UBR4: variants seen among roughly 807,000 people sequenced by gnomAD.
UBR4 encodes the protein E3 ubiquitin-protein ligase UBR4.
Under a neutral mutation model 575.6 loss-of-function variants are expected in UBR4, and 124 were observed. The ratio of observed to expected loss-of-function variants is 0.22; its 90% CI spans 0.19 to 0.25. The LOEUF (loss-of-function observed/expected upper bound fraction) is 0.25, where lower values mean the gene tolerates loss of function less well. UBR4 is among the 10% of genes least tolerant of loss of function. UBR4 has a pLI of 1.00. For synonymous variants in UBR4, 2,455 were observed against 2,473.7 expected, an observed-to-expected ratio of 0.99 and a Z score of 0.22; for missense variants, 4,818 against 6,478.8, an observed-to-expected ratio of 0.74 and a Z score of 8.80.
intron 78 of UBR4, among the ~76,000 whole-genome samples, chr1:19,111,236 G>A (rs535684707): frequency 2.0e-4 from 30 of 152,224 alleles, no homozygotes; most frequent in African/African-American, 7.0e-4. Flanking sequence ...TCCAGTTTAC[G>A]TCTCTTTGTA....
At chr1:19,209,093 T>C (rs988058243) in intron 1 of UBR4, among the ~76,000 whole-genome samples, 41 of 152,190 alleles carry the variant, frequency 2.7e-4, no homozygotes, top group African/African-American at 9.4e-4. Flanking sequence ...ACAAAAACAA[T>C]TTGTCAAACC....
At chr1:19,119,166 C>T (rs984049034) in intron 70 of UBR4, among the ~76,000 whole-genome samples, 4 of 152,124 alleles carry the variant, frequency 2.6e-5, no homozygotes, top group Admixed American at 6.5e-5. Flanking sequence ...TAGGTAGTAC[C>T]CTTTTCTGAC....
At position 19,105,151 on chromosome 1, in the gene UBR4, G is replaced by C. The variant is rs778319759; in HGVS notation, c.12542C>G (p.Ala4181Gly). Residue 4181 changes from alanine (A) to glycine (G), a missense_variant, in exon 85 of 106, where the codon GCT becomes GGT. Ala to Gly is a moderately conservative substitution (Grantham distance 60). Around this residue, in one of 29 missense-constraint regions of UBR4, gnomAD observed 178 missense variants for 175.5 expected, o/e 1.01. Coordinates refer to ENST00000375254, the MANE Select transcript of UBR4 (RefSeq NM_020765.3). ...DELSIAGECA[A>G]EYLALYQKLI... ...CTTCTGGTAGAGAGCCAGGTACTCAGCTGCACACTCCCCAGCTATGCTCAG... is the reference window on the plus strand; with the variant it reads ...CTTCTGGTAGAGAGCCAGGTACTCACCTGCACACTCCCCAGCTATGCTCAG... 6 of 1,613,964 alleles carry C rather than the reference G, an allele frequency of 3.7e-6. No homozygotes were observed. In the African/African-American group the frequency reaches 8.0e-5, roughly 22 times the overall value.
intron 101 of UBR4, 64 bp downstream of exon 101, chr1:19,086,081 G>T: frequency 6.3e-7 from 1 of 1,580,264 alleles, no homozygotes; most frequent in East Asian, 2.2e-5. Context: ...TGGGCTGATA[G>T]CGGGTCTTGT....
chr1:19,109,686 A>G (rs143604931), intron 81 of UBR4, among the ~76,000 whole-genome samples: 16 of 152,352 alleles, frequency 1.1e-4, no homozygotes, highest in Middle Eastern at 3.4e-3. Context: ...AACTTGCCCA[A>G]CATCATGATG....
rs746966702 is a variant in UBR4, at chr1:19,115,352, C to G, written c.11063+46G>C. ...CACTGACACTACTACAGAAAAATAACAAGGAATGTGCACAGCCCTGGCCTA... is the reference window on the plus strand; with the variant it reads ...CACTGACACTACTACAGAAAAATAAGAAGGAATGTGCACAGCCCTGGCCTA... On this transcript the variant is annotated intron_variant, in intron 74 of 105. Transcript: ENST00000375254. 3 of 1,592,004 alleles carry G rather than the reference C, an allele frequency of 1.9e-6. No individual in the cohort carries two copies. The African/African-American group carries it at 4.0e-5, about 21-fold the overall frequency.
chr1:19,103,197 C>T (rs1226078968), intron 87 of UBR4, among the ~76,000 whole-genome samples: 11 of 152,186 alleles, frequency 7.2e-5, no homozygotes, highest in Admixed American at 7.2e-4. Flanking sequence ...ACTGCAGAAT[C>T]AGGCATGTAA....
chr1:19,146,687 C>T, intron 52 of UBR4, 139 bp downstream of exon 52: 1 of 1,129,714 alleles, frequency 8.9e-7, no homozygotes, highest in Admixed American at 2.4e-5. Flanking sequence ...AAAGGCCCTA[C>T]AAGGTATAAA....
Position 19,192,524 on chromosome 1 carries a change from A to G in UBR4, c.1160T>C (p.Met387Thr). Residue 387 changes from methionine (M) to threonine (T), a missense_variant, in exon 10 of 106, where the codon ATG becomes ACG. Around this residue, in one of 29 missense-constraint regions of UBR4, gnomAD observed 131 missense variants for 214.5 expected, o/e 0.61. Transcript: ENST00000375254. Reference sequence around the variant, plus strand: ...AGAACTGCTGATTGCTTGTCCAATCATGTCATAGATTTCGAGCTGTACAAT... The same window carrying G: ...AGAACTGCTGATTGCTTGTCCAATCGTGTCATAGATTTCGAGCTGTACAAT... The part of the protein sequence containing the change: ...IVQKCLEIYD[M>T]IGQAISSSRR... 1 of 1,614,216 alleles carries G rather than the reference A, an allele frequency of 6.2e-7. No homozygotes were observed. The highest frequency in any genetic ancestry group is 8.5e-7 in the Non-Finnish European group (1 of 1,180,042).
At chr1:19,162,322 G>T in intron 35 of UBR4, 98 bp downstream of exon 35, 1 of 1,430,762 alleles carries the variant, frequency 7.0e-7, no homozygotes, top group East Asian at 2.3e-5. Context: ...AGGAAGTTTT[G>T]AAGCTCACAG....
At chr1:19,175,350 T>C (rs75152883) in intron 20 of UBR4, among the ~76,000 whole-genome samples, 1,703 of 152,254 alleles carry the variant, frequency 0.011, 31 homozygotes, top group East Asian at 0.068. Context: ...AAGAGTTAAG[T>C]AGGGTGCCCT....
rs763793889 is a variant in UBR4 at position 19,097,227 on chromosome 1, T to C, written c.13356A>G (p.Thr4452=). 1.5e-5 allele frequency: 25 copies of C among 1,613,758 alleles called. No homozygotes were observed. Among genetic ancestry groups the C allele is most frequent in the Non-Finnish European group, 1.9e-5 (23 of 1,179,880 alleles). Residue 4452 remains threonine, a synonymous_variant, in exon 91 of 106, where the codon ACA becomes ACG. Transcript: ENST00000375254. ...AGTCCAGGGACTCAATGAACTCCTCTGTGGCATCGCCCAGCAGCCCCCGCA... is the reference window on the plus strand; with the variant it reads ...AGTCCAGGGACTCAATGAACTCCTCCGTGGCATCGCCCAGCAGCCCCCGCA... The part of the protein sequence containing the change: ...YRMRGLLGDA[T]EEFIESLDST...
intron 34 of UBR4, 93 bp downstream of exon 34, chr1:19,163,671 A>G: frequency 7.4e-7 from 1 of 1,352,422 alleles, no homozygotes; most frequent in Non-Finnish European, 1.1e-6. Context: ...AGCCAGGCAC[A>G]GAACTCAATA....
intron 87 of UBR4, 26 bp downstream of exon 87, chr1:19,104,058 G>A (rs1193217435): frequency 1.2e-6 from 2 of 1,611,990 alleles, no homozygotes; most frequent in Non-Finnish European, 1.7e-6. Context: ...CAGTGCCTTA[G>A]GCTCCAGGCC....
Position 19,141,334 on chromosome 1 carries a change from C to T in UBR4, c.8488+13G>A, listed in dbSNP as rs750793653. 1 of 1,614,080 alleles carries T rather than the reference C, an allele frequency of 6.2e-7. No individual in the cohort carries two copies. The highest frequency in any genetic ancestry group is 1.3e-5 in the African/African-American group (1 of 74,946). Reference sequence around the variant, plus strand: ...GGCCAATGGGCCGCTTTGTTCTTGGCATGGCCTTCTACCTTGTTGGTCCTG... The same window carrying T: ...GGCCAATGGGCCGCTTTGTTCTTGGTATGGCCTTCTACCTTGTTGGTCCTG... On this transcript the variant is annotated intron_variant, in intron 57 of 105. Coordinates refer to ENST00000375254, the MANE Select transcript of UBR4 (RefSeq NM_020765.3).
rs756972368 is a variant in UBR4, at chr1:19,183,948, C to T, written c.2099-52G>A. The T allele has an allele frequency of 1.5e-5, 24 of 1,613,736 alleles. No homozygotes were observed. In the East Asian group the frequency reaches 3.1e-4, roughly 21 times the overall value. Reference sequence around the variant, plus strand: ...ATTTAAGCAGCTATTGAATGCACCACACCTCCCTGCCAACAGCCAAACTCC... The same window carrying T: ...ATTTAAGCAGCTATTGAATGCACCATACCTCCCTGCCAACAGCCAAACTCC... On this transcript the variant is annotated intron_variant, in intron 16 of 105. Transcript: ENST00000375254.
Position 19,093,242 on chromosome 1 carries a change from A to C in UBR4, c.14111+71T>G. On this transcript the variant is annotated intron_variant, in intron 96 of 105. Coordinates refer to ENST00000375254, the MANE Select transcript of UBR4 (RefSeq NM_020765.3). The surrounding 1 kb of genome is among the most constrained non-coding windows in gnomAD (Gnocchi z 4.8). ...GGCACACGTGAAGCTTTATGCCAAGATGCTGATGGAGAAGGAAAAGGAAAG... is the reference window on the plus strand; with the variant it reads ...GGCACACGTGAAGCTTTATGCCAAGCTGCTGATGGAGAAGGAAAAGGAAAG... 6.4e-7 allele frequency: 1 copy of C among 1,558,118 alleles called. No individual in the cohort carries two copies. Among genetic ancestry groups the C allele is most frequent in the Non-Finnish European group, 8.7e-7 (1 of 1,147,906 alleles).
At position 19,126,664 on chromosome 1, in the gene UBR4, C is replaced by CA; in HGVS notation, c.9229-10dup. 5 of 1,612,396 alleles carry CA rather than the reference C, an allele frequency of 3.1e-6. No homozygotes were observed. The Admixed American group carries it at 6.7e-5, about 21-fold the overall frequency. On this transcript the variant is annotated splice_polypyrimidine_tract_variant and intron_variant, in intron 63 of 105. Coordinates refer to ENST00000375254, the MANE Select transcript of UBR4 (RefSeq NM_020765.3). ...GAGATGAGGGAAGATGACTGGGAGA[C>CA]AGAGAAAATACAGAGATGGGAAGAA...
At position 19,169,543 on chromosome 1, in the gene UBR4, C is replaced by T; in HGVS notation, c.3644-11G>A. The T allele has an allele frequency of 6.2e-7, 1 of 1,609,782 alleles. No homozygotes were observed. Among genetic ancestry groups the T allele is most frequent in the Non-Finnish European group, 8.5e-7 (1 of 1,177,998 alleles). On this transcript the variant is annotated splice_polypyrimidine_tract_variant and intron_variant, in intron 26 of 105. Transcript: ENST00000375254. ...GAACCAGTGTCGGACCTGGAGGCGA[C>T]AGAAAGGACAAGGAATCATCACAAG...
Sources: gnomAD v4.1 joint callset for allele counts (sites outside exome capture counted in the v4.1 genomes callset) on GRCh38, gnomAD v4.1.1 for gene constraint, gnomAD v4.1.1 regional missense constraint, Gnocchi (gnomAD v3.1) non-coding constraint, MANE v1.5 for transcripts, NCBI Gene and HGNC (gene_info 2026-07-23, HGNC 2026-07-21) for gene names.